TAF15: variants seen among roughly 807,000 people sequenced by gnomAD.
The protein encoded by TAF15 is TATA-binding protein-associated factor 2N.
A neutral mutation model predicts 102.5 loss-of-function variants in TAF15; 37 were observed. The observed-to-expected ratio is 0.36, with a 90% CI of 0.28 to 0.47. The LOEUF (loss-of-function observed/expected upper bound fraction) is 0.47. Among genes scored for constraint, TAF15 ranks in the 20% least tolerant of loss-of-function variants. The pLI, the probability that TAF15 is intolerant of heterozygous loss-of-function variation, is 0.99. For missense variants in TAF15, 652 were observed against 760.7 expected, an observed-to-expected ratio of 0.86 and a Z score of 1.68; for synonymous variants, 273 against 259.2, an observed-to-expected ratio of 1.05 and a Z score of -0.51.
rs1280876662 is a variant in TAF15 at position 35,846,944 on chromosome 17, G to C, written c.1778G>C (p.Ter593SerextTer1). The change falls in exon 16 of 16, where the codon TGA becomes TCA. Residue 593 changes from the stop codon to serine (S), a stop_lost. Transcript: ENST00000605844. ...AATGATCAGCGCAACCGACCATACT[G>C]ATGACTGTTTTGAATGTTCCTTTGT... The part of the protein sequence containing the change: ...YRNDQRNRPY[*>S] The C allele has an allele frequency of 6.2e-7, 1 of 1,613,986 alleles. No homozygotes were observed. The highest frequency in any genetic ancestry group is 8.5e-7 in the Non-Finnish European group (1 of 1,180,018).
At chr17:35,828,850 C>T (rs2087363487) in intron 7 of TAF15, among the ~76,000 whole-genome samples, 1 of 149,490 alleles carries the variant, frequency 6.7e-6, no homozygotes, top group South Asian at 2.1e-4. Context: ...TTGTATTTTG[C>T]ATTTAGAGCA....
At chr17:35,833,614 TTTATG>T (rs1259907318) in intron 7 of TAF15, 1 of 301,244 alleles carries the variant, frequency 3.3e-6, no homozygotes, top group Non-Finnish European at 6.2e-6. Context: ...TGCCTCCAGC[TTTATG>T]TTATGGTTTA....
intron 1 of TAF15, among the ~76,000 whole-genome samples, chr17:35,816,550 T>C (rs1315684231): frequency 6.6e-6 from 1 of 152,198 alleles, no homozygotes; most frequent in Non-Finnish European, 1.5e-5. Context: ...ACAACAGTGA[T>C]TTTTGTTTCA....
Position 35,844,595 on chromosome 17 carries a change from C to T in TAF15, c.1296C>T (p.Ser432=), listed in dbSNP as rs748045927. ...RSGGGYGGDR[S]SGGGYSGDRS... ...GGGGTGGCTATGGTGGAGACAGAAG[C>T]AGCGGTGGTGGCTACAGCGGAGATA... The change falls in exon 15 of 16, where the codon AGC becomes AGT. Residue 432 remains serine (S), a synonymous_variant. Transcript: ENST00000605844. 3.2e-6 allele frequency: 5 copies of T among 1,578,982 alleles called. No homozygotes were observed. Among genetic ancestry groups the T allele is most frequent in the South Asian group, 1.1e-5 (1 of 88,156 alleles).
intron 1 of TAF15, chr17:35,810,233 C>G (rs2087109679): frequency 6.5e-6 from 1 of 153,324 alleles, no homozygotes; most frequent in Admixed American, 6.0e-5. Context: ...ACCAGTTTAT[C>G]TCCTGAAAGA....
intron 7 of TAF15, among the ~76,000 whole-genome samples, chr17:35,827,335 CAAA>C (rs745381454): frequency 1.0e-4 from 7 of 67,026 alleles, no homozygotes; most frequent in Admixed American, 1.6e-4. Context: ...GACTCCGTCG[CAAA>C]AAAAAAAAAA....
At chr17:35,819,171 G>C (rs1349556309) in intron 2 of TAF15, among the ~76,000 whole-genome samples, 1 of 152,146 alleles carries the variant, frequency 6.6e-6, no homozygotes, top group African/African-American at 2.4e-5. Context: ...GTAAGATAGT[G>C]CTAACTTCCT....
chr17:35,822,866 C>G (rs369447828), intron 6 of TAF15, 33 bp downstream of exon 6: 1 of 1,609,274 alleles, frequency 6.2e-7, no homozygotes, highest in South Asian at 1.1e-5. Flanking sequence ...ATTATTTTTC[C>G]CCCTCTCAGA....
intron 6 of TAF15, among the ~76,000 whole-genome samples, 160 bp from the exon 7 acceptor site, chr17:35,823,918 A>G (rs2087294639): frequency 6.6e-6 from 1 of 152,174 alleles, no homozygotes; most frequent in African/African-American, 2.4e-5. Context: ...TCTCAAAAAC[A>G]TGTAATTCCA....
chr17:35,842,720 A>T (rs766974332), intron 12 of TAF15, among the ~76,000 whole-genome samples: 1 of 145,722 alleles, frequency 6.9e-6, no homozygotes, highest in African/African-American at 2.5e-5. Context: ...TCAGGAGGCA[A>T]TTTTTTTTTT....
rs1460287473 is a variant in TAF15, at chr17:35,824,051, TTG to T, written c.485-21_485-20del. On this transcript the variant is annotated intron_variant, in intron 6 of 15. Coordinates refer to ENST00000605844, the MANE Select transcript of TAF15 (RefSeq NM_139215.3). The stretch of plus-strand genomic sequence containing the variant: ...AAGCTTTAGAAATGAGAGTGGTTAT[TTG>T]TGTGTAATATTTTCTTTTTTGTAGA... 9 of 1,613,918 alleles carry T rather than the reference TTG, an allele frequency of 5.6e-6. No homozygotes were observed. The Admixed American group carries it at 1.2e-4, about 21-fold the overall frequency.
chr17:35,836,768 T>C (rs888983595), intron 10 of TAF15, among the ~76,000 whole-genome samples: 1 of 152,086 alleles, frequency 6.6e-6, no homozygotes, highest in Non-Finnish European at 1.5e-5. Context: ...CTTGTTTTGG[T>C]GTCTGTGGAA....
At chr17:35,817,078 TTG>T (rs1203392751) in intron 1 of TAF15, 2 of 152,346 alleles carry the variant, frequency 1.3e-5, no homozygotes, top group Non-Finnish European at 2.9e-5. Context: ...AGTGCTGGGA[TTG>T]TGTGAGCCAC....
intron 7 of TAF15, among the ~76,000 whole-genome samples, chr17:35,827,813 A>G (rs1301184688): frequency 6.6e-6 from 1 of 152,204 alleles, no homozygotes; most frequent in African/African-American, 2.4e-5. Context: ...TAGAAGAAGA[A>G]TTCCCGGTCA....
At chr17:35,818,024 C>T (rs987710152) in intron 2 of TAF15, among the ~76,000 whole-genome samples, 1 of 152,022 alleles carries the variant, frequency 6.6e-6, no homozygotes. Context: ...TGGGCTTAAG[C>T]GATCCTCCTG....
At chr17:35,841,335 C>G (rs1345222327) in intron 11 of TAF15, among the ~76,000 whole-genome samples, 1 of 152,154 alleles carries the variant, frequency 6.6e-6, no homozygotes, top group Non-Finnish European at 1.5e-5. Flanking sequence ...ACTGCACTTG[C>G]GCACGTATTC....
intron 7 of TAF15, among the ~76,000 whole-genome samples, chr17:35,829,371 G>C (rs188336190): frequency 6.6e-6 from 1 of 150,646 alleles, no homozygotes; most frequent in Admixed American, 6.6e-5. Context: ...TGGTAGTCAT[G>C]CCTGTGATCC....
intron 9 of TAF15, 138 bp downstream of exon 9, chr17:35,834,736 A>AT (rs2087451188): frequency 7.0e-4 from 169 of 241,340 alleles, no homozygotes; most frequent in South Asian, 3.1e-3. Flanking sequence ...GGGGAGCTTT[A>AT]TTTCTTTTTT....
At chr17:35,816,481 T>A (rs540992246) in intron 1 of TAF15, among the ~76,000 whole-genome samples, 4 of 152,288 alleles carry the variant, frequency 2.6e-5, no homozygotes, top group Non-Finnish European at 4.4e-5. Flanking sequence ...GAAGAGTTCA[T>A]CTCTTAAAAA....
Sources: allele counts gnomAD v4.1 joint callset (sites outside exome capture counted in the v4.1 genomes callset), GRCh38; gene constraint gnomAD v4.1.1; transcripts MANE v1.5; gene names NCBI Gene and HGNC (gene_info 2026-07-23, HGNC 2026-07-21).